PCDHA12: variants seen among roughly 807,000 people sequenced by gnomAD.
PCDHA12 encodes the protein protocadherin alpha-12.
In PCDHA12, 44 loss-of-function variants were observed where a neutral mutation model predicts 60.0. The observed-to-expected ratio is 0.73, with a 90% CI of 0.58 to 0.94. PCDHA12 has a LOEUF of 0.94. Ranked by LOEUF, PCDHA12 falls within the 40% of genes least tolerant of loss-of-function variation. The pLI, the probability that PCDHA12 is intolerant of heterozygous loss-of-function variation, is 0.00. For missense variants in PCDHA12, 1,276 were observed against 1,239.7 expected (o/e 1.03, Z -0.44); for synonymous variants, 569 against 553.0 (o/e 1.03, Z -0.40).
intron 1 of PCDHA12, among the ~76,000 whole-genome samples, chr5:140,957,961 G>C (rs1188264296): frequency 6.6e-6 from 1 of 152,048 alleles, no homozygotes; most frequent in Non-Finnish European, 1.5e-5. Flanking sequence ...TATTAATTCA[G>C]AGATGCTGTA....
chr5:140,917,937 T>C (rs2078442259), intron 1 of PCDHA12, among the ~76,000 whole-genome samples: 1 of 152,186 alleles, frequency 6.6e-6, no homozygotes, highest in Non-Finnish European at 1.5e-5. Flanking sequence ...AAAAATAATA[T>C]TGGTAGTTTG....
At chr5:140,903,979 C>T (rs988987540) in intron 1 of PCDHA12, among the ~76,000 whole-genome samples, 3 of 152,150 alleles carry the variant, frequency 2.0e-5, no homozygotes, top group Admixed American at 2.0e-4. Flanking sequence ...GGTCTATTCA[C>T]AATGTAACAG....
intron 1 of PCDHA12, chr5:140,928,400 C>G: frequency 6.2e-7 from 1 of 1,614,038 alleles, no homozygotes; most frequent in Non-Finnish European, 8.5e-7. Flanking sequence ...GTGGAATCAT[C>G]CAGTGGGGCC....
chr5:140,917,334 G>GC (rs1563019411), intron 1 of PCDHA12, among the ~76,000 whole-genome samples: 1 of 147,630 alleles, frequency 6.8e-6, no homozygotes, highest in Non-Finnish European at 1.5e-5. Context: ...CGGGGGAGGG[G>GC]GGGGATGGTG....
At chr5:140,923,638 C>G (rs1375136191) in intron 1 of PCDHA12, among the ~76,000 whole-genome samples, 1 of 152,176 alleles carries the variant, frequency 6.6e-6, no homozygotes, top group African/African-American at 2.4e-5. Flanking sequence ...AGGCAAAAAT[C>G]TTTAGCCTCC....
chr5:140,995,206 G>A (rs1179914547), intron 3 of PCDHA12, among the ~76,000 whole-genome samples: 2 of 151,988 alleles, frequency 1.3e-5, no homozygotes, highest in African/African-American at 2.4e-5. Context: ...TATAAATTAG[G>A]CACAATACTC....
intron 1 of PCDHA12, chr5:140,884,544 G>A (rs1554181708): frequency 6.2e-7 from 1 of 1,614,222 alleles, no homozygotes; most frequent in East Asian, 2.2e-5. Flanking sequence ...CCGAGGGTGT[G>A]CTCTGGGGAG....
At chr5:140,957,189 G>T (rs1376112973) in intron 1 of PCDHA12, among the ~76,000 whole-genome samples, 1 of 152,174 alleles carries the variant, frequency 6.6e-6, no homozygotes, top group South Asian at 2.1e-4. Context: ...ATTGATGACC[G>T]ATTGGGAATA....
chr5:140,980,259 G>T (rs1200649581), intron 2 of PCDHA12, among the ~76,000 whole-genome samples: 1 of 152,192 alleles, frequency 6.6e-6, no homozygotes. Flanking sequence ...TAAAAGCATG[G>T]TTTACAGTAC....
At chr5:140,972,480 C>A (rs558245112) in intron 1 of PCDHA12, among the ~76,000 whole-genome samples, 2 of 151,890 alleles carry the variant, frequency 1.3e-5, no homozygotes, top group East Asian at 3.9e-4. Context: ...AGCATTTAAC[C>A]CCAGACTCTA....
At chr5:140,883,397 C>T in intron 1 of PCDHA12, 2 of 1,614,170 alleles carry the variant, frequency 1.2e-6, no homozygotes, top group Non-Finnish European at 1.7e-6. Flanking sequence ...TGTGTCCGAT[C>T]GTGACTCTGG....
At chr5:140,884,141 G>C in intron 1 of PCDHA12, 1 of 1,613,422 alleles carries the variant, frequency 6.2e-7, no homozygotes, top group South Asian at 1.1e-5. Flanking sequence ...GTTCCGCGTG[G>C]GGCTGTACAC....
chr5:140,968,328 A>AT (rs1554230627), intron 1 of PCDHA12: 1 of 1,614,076 alleles, frequency 6.2e-7, no homozygotes, highest in South Asian at 1.1e-5. Flanking sequence ...GTCACCTCCT[A>AT]TGTCTCCATT....
intron 3 of PCDHA12, among the ~76,000 whole-genome samples, chr5:140,990,953 A>G (rs371951430): frequency 6.6e-6 from 1 of 152,194 alleles, no homozygotes; most frequent in Non-Finnish European, 1.5e-5. Flanking sequence ...GACTGTAGAA[A>G]TAGTCTCTTA....
chr5:140,983,059 C>A (rs1325414567), intron 3 of PCDHA12, among the ~76,000 whole-genome samples: 3 of 151,980 alleles, frequency 2.0e-5, no homozygotes, highest in Non-Finnish European at 4.4e-5. Flanking sequence ...TTATCGGAAC[C>A]AAGGCATTGT....
At chr5:140,950,073 G>T (rs2094447306) in intron 1 of PCDHA12, among the ~76,000 whole-genome samples, 1 of 151,672 alleles carries the variant, frequency 6.6e-6, no homozygotes, top group Non-Finnish European at 1.5e-5. Flanking sequence ...CTGTGCCATT[G>T]CTTATGCTAT....
chr5:140,904,170 A>T (rs2070892349), intron 1 of PCDHA12, among the ~76,000 whole-genome samples: 1 of 151,964 alleles, frequency 6.6e-6, no homozygotes. Context: ...GTAGTCTTTT[A>T]TTCCTCACCC....
At chr5:141,004,367 T>C (rs1281168288) in intron 3 of PCDHA12, among the ~76,000 whole-genome samples, 5 of 152,198 alleles carry the variant, frequency 3.3e-5, no homozygotes, top group Non-Finnish European at 5.9e-5. Context: ...CCACACCTTG[T>C]TCTGCTCTGC....
At chr5:140,972,754 CCCAAG>C (rs1290105832) in intron 1 of PCDHA12, among the ~76,000 whole-genome samples, 1 of 151,316 alleles carries the variant, frequency 6.6e-6, no homozygotes, top group African/African-American at 2.4e-5. Context: ...ACCTCCGCCT[CCCAAG>C]TTAAAGTGAT....
Sources: gnomAD v4.1 joint callset for allele counts (sites outside exome capture counted in the v4.1 genomes callset) on GRCh38, gnomAD v4.1.1 for gene constraint, MANE v1.5 for transcripts, NCBI Gene and HGNC (gene_info 2026-07-23, HGNC 2026-07-21) for gene names.